MNT: variants seen among roughly 807,000 people sequenced by gnomAD.
The protein encoded by MNT is MAX network transcriptional repressor.
A neutral mutation model predicts 40.7 loss-of-function variants in MNT; 13 were observed. The ratio of observed to expected loss-of-function variants is 0.32; its 90% confidence interval spans 0.21 to 0.51. The LOEUF is 0.51. MNT is among the 20% of genes least tolerant of loss of function. The pLI is 0.98. For missense variants in MNT, 757 were observed against 792.0 expected (o/e 0.96, Z 0.53); for synonymous variants, 426 against 354.8 (o/e 1.20, Z -2.26).
intron 1 of MNT, 116 bp from the exon 2 acceptor site, chr17:2,395,570 A>G: frequency 6.6e-6 from 10 of 1,505,202 alleles, no homozygotes; most frequent in Non-Finnish European, 8.8e-6. Flanking sequence ...GCTCAGCGAG[A>G]GACACCACAA....
chr17:2,384,616 G>A lies in MNT; in HGVS notation c.*2285C>T, dbSNP rs188736535. On this transcript the variant is annotated 3_prime_UTR_variant, in exon 6 of 6. Coordinates refer to ENST00000174618, the MANE Select transcript of MNT (RefSeq NM_020310.3). Reference sequence around the variant, plus strand: ...TGCGTGCGTGTGTGTGTGTGTGTGTGTGTGTGTGTGTCCCAGGCTGGAAGG... The same window carrying A: ...TGCGTGCGTGTGTGTGTGTGTGTGTATGTGTGTGTGTCCCAGGCTGGAAGG... 5.2e-4 allele frequency: 80 copies of A among 153,848 alleles called. No homozygotes were observed. The highest frequency in any genetic ancestry group is 9.5e-4 in the Non-Finnish European group (66 of 69,184). The allele number at this position is 153,848 out of a possible 1,614,324, so 9.5% of individuals were successfully genotyped here. A position where few individuals can be genotyped will look rare whatever the true frequency, so the allele number is the denominator to read the frequency against.
chr17:2,386,982 C>G lies in MNT; in HGVS notation c.1668G>C (p.Gln556His). The stretch of plus-strand genomic sequence containing the variant: ...GGTTGAGCACGGTCTGGCCCACCAG[C>G]TGGGGGTGGTGCACCACCTGAGCCC... ...AVGAQVVHHP[Q>H]LVGQTVLNPV... The change falls in exon 6 of 6, where the codon CAG becomes CAC. Residue 556 changes from glutamine (Q) to histidine (H), a missense_variant. Gln to His is a conservative substitution (Grantham distance 24). Transcript: ENST00000174618. The G allele has an allele frequency of 3.9e-6, 6 of 1,526,210 alleles. No individual in the cohort carries two copies. The highest frequency in any genetic ancestry group is 5.3e-6 in the Non-Finnish European group (6 of 1,134,086). 94.5% of individuals were successfully genotyped at this position (1,526,210 alleles called of 1,614,324 possible).
chr17:2,400,545 G>A, intron 1 of MNT, 95 bp downstream of exon 1: 1 of 1,273,302 alleles, frequency 7.9e-7, no homozygotes, highest in Non-Finnish European at 1.0e-6. Flanking sequence ...GGCCGCCCGG[G>A]AGGGGGCCCT....
intron 1 of MNT, chr17:2,396,750 A>G (rs2066581130): frequency 6.6e-6 from 1 of 152,260 alleles, no homozygotes; most frequent in East Asian, 1.9e-4. Context: ...ACTCCAGGCC[A>G]GGGAGCCGCC....
At chr17:2,399,282 C>A (rs2066598230) in intron 1 of MNT, among the ~76,000 whole-genome samples, 1 of 152,142 alleles carries the variant, frequency 6.6e-6, no homozygotes, top group South Asian at 2.1e-4. Context: ...CCCTCTGCAG[C>A]ACCCTGAAGC....
intron 4 of MNT, among the ~76,000 whole-genome samples, chr17:2,393,013 G>A (rs899327815): frequency 3.9e-5 from 6 of 152,010 alleles, no homozygotes; most frequent in Non-Finnish European, 8.8e-5. Flanking sequence ...GGGGAGGGGC[G>A]GCGCCCAGCG....
At chr17:2,392,943 C>T (rs547199641) in intron 4 of MNT, among the ~76,000 whole-genome samples, 3 of 152,238 alleles carry the variant, frequency 2.0e-5, no homozygotes, top group East Asian at 3.9e-4. Flanking sequence ...GCGCCTCAGC[C>T]CCTCCCTCAG....
At chr17:2,394,646 G>A (rs984634476) in intron 2 of MNT, among the ~76,000 whole-genome samples, 1 of 152,170 alleles carries the variant, frequency 6.6e-6, no homozygotes, top group African/African-American at 2.4e-5. Context: ...CTGTCCAGAG[G>A]CCTGGGAATG....
chr17:2,396,272 C>G (rs564271313), intron 1 of MNT, among the ~76,000 whole-genome samples: 4 of 152,342 alleles, frequency 2.6e-5, no homozygotes, highest in South Asian at 4.1e-4. Context: ...TCTGACCCTT[C>G]TCGTGTTATA....
rs369048100 is a variant in MNT, at chr17:2,394,859, G to A, written c.653+16C>T. On this transcript the variant is annotated intron_variant, in intron 2 of 5. Transcript: ENST00000174618. ...TCCTATCCCCCACCAGCCCGACCCC[G>A]CCACACCCCACTCACCCCCCGGGCC... 1.8e-4 allele frequency: 273 copies of A among 1,520,466 alleles called. No homozygotes were observed. The highest frequency in any genetic ancestry group is 1.0e-3 in the African/African-American group (73 of 72,816). 94.2% of individuals were successfully genotyped at this position (1,520,466 alleles called of 1,614,324 possible).
intron 4 of MNT, among the ~76,000 whole-genome samples, chr17:2,388,845 G>A (rs1236160247): frequency 6.6e-6 from 1 of 151,802 alleles, no homozygotes; most frequent in Non-Finnish European, 1.5e-5. Context: ...CTCCCTGCTG[G>A]CAGCTTTTCG....
chr17:2,400,431 TC>T, intron 1 of MNT: 1 of 471,960 alleles, frequency 2.1e-6, no homozygotes, highest in South Asian at 2.9e-5. Flanking sequence ...AGGAGCCAGG[TC>T]CCTCGCAGCA....
chr17:2,398,985 C>A (rs1201634088), intron 1 of MNT, among the ~76,000 whole-genome samples: 1 of 151,748 alleles, frequency 6.6e-6, no homozygotes, highest in African/African-American at 2.4e-5. Context: ...CTCCCCCGCC[C>A]CTTGCCCGCT....
chr17:2,399,215 C>T (rs997735564), intron 1 of MNT, among the ~76,000 whole-genome samples: 1 of 152,124 alleles, frequency 6.6e-6, no homozygotes, highest in African/African-American at 2.4e-5. Context: ...GCACACACAC[C>T]GTTCCAGAGC....
chr17:2,387,314 T>C lies in MNT; in HGVS notation c.1336A>G (p.Thr446Ala), dbSNP rs746671975. 6.2e-7 allele frequency: 1 copy of C among 1,613,218 alleles called. No individual in the cohort carries two copies. Among genetic ancestry groups the C allele is most frequent in the South Asian group, 1.1e-5 (1 of 90,864 alleles). ...GGSTVIAHTA[T>A]THASVIQTVN... ...GTCTGGATGACTGAAGCGTGAGTGG[T>C]GGCTGTGTGGGCGATGACCGTGGAG... The change falls in exon 6 of 6, where the codon ACC becomes GCC. Residue 446 changes from threonine (T) to alanine (A), a missense_variant. Thr to Ala is a moderately conservative substitution (Grantham distance 58, BLOSUM62 0). This residue lies in a region of MNT where 345 missense variants were observed against 380.1 expected (regional missense o/e 0.91). Transcript: ENST00000174618.
Position 2,394,116 on chromosome 17 carries a change from C to T in MNT, c.734G>A (p.Arg245Gln), listed in dbSNP as rs1329740458. ...CTTGTCATCCACGTTGGGGATGTTC[C>T]GCTTCAGGGTCTCAAAGCACTCTTT... ...HLKECFETLKRNIPNVDDKKT... is the reference protein window; with the variant it reads ...HLKECFETLKQNIPNVDDKKT... The change falls in exon 4 of 6, where the codon CGG (arginine) becomes CAG (glutamine). Residue 245 changes from arginine to glutamine, a missense_variant. Arg to Gln is a conservative substitution (Grantham distance 43). This residue lies in a region of MNT where 73 missense variants were observed against 100.8 expected (regional missense o/e 0.72). Coordinates refer to ENST00000174618, the MANE Select transcript of MNT (RefSeq NM_020310.3). The T allele has an allele frequency of 6.2e-7, 1 of 1,609,388 alleles. No individual in the cohort carries two copies. The highest frequency in any genetic ancestry group is 8.5e-7 in the Non-Finnish European group (1 of 1,177,980).
intron 2 of MNT, among the ~76,000 whole-genome samples, chr17:2,394,567 G>A (rs1324523938): frequency 6.6e-6 from 1 of 152,110 alleles, no homozygotes; most frequent in African/African-American, 2.4e-5. Context: ...CACCAGGAGG[G>A]AGACAGGAGG....
chr17:2,397,251 C>A (rs895020518), intron 1 of MNT, among the ~76,000 whole-genome samples: 1 of 152,174 alleles, frequency 6.6e-6, no homozygotes, highest in Non-Finnish European at 1.5e-5. Context: ...TGCGCTCCCG[C>A]TTCCCACAGA....
At position 2,388,006 on chromosome 17, in the gene MNT, C is replaced by A. The variant is rs376612601; in HGVS notation, c.851G>T (p.Arg284Leu). The change falls in exon 5 of 6, where the codon CGG becomes CTG. Residue 284 changes from arginine (R) to leucine (L), a missense_variant. Arg to Leu is a moderately radical substitution (Grantham distance 102). Transcript: ENST00000174618. ...KEKEYEHEME[R>L]LAREKIATQQ... Reference sequence around the variant, plus strand: ...CGTGGCAATCTTCTCACGTGCCAGCCGCTCCATTTCATGCTCATATTCCTT... The same window carrying A: ...CGTGGCAATCTTCTCACGTGCCAGCAGCTCCATTTCATGCTCATATTCCTT... 1.3e-6 allele frequency: 2 copies of A among 1,570,432 alleles called. No individual in the cohort carries two copies. The highest frequency in any genetic ancestry group is 1.7e-6 in the Non-Finnish European group (2 of 1,155,994).
Sources: allele counts gnomAD v4.1 joint callset (sites outside exome capture counted in the v4.1 genomes callset), GRCh38; gene constraint gnomAD v4.1.1; regional missense constraint gnomAD v4.1.1; transcripts MANE v1.5; gene names NCBI Gene and HGNC (gene_info 2026-07-23, HGNC 2026-07-21).